DLG2: variants seen among roughly 807,000 people sequenced by gnomAD.
DLG2 encodes discs large MAGUK scaffold protein 2.
In DLG2, 45 loss-of-function variants were observed where a neutral mutation model predicts 132.5. The ratio of observed to expected loss-of-function variants is 0.34; its 90% CI spans 0.27 to 0.44. The LOEUF (loss-of-function observed/expected upper bound fraction) is 0.44. DLG2 is among the 20% of genes least tolerant of loss of function. DLG2 has a pLI of 1.00. For synonymous variants in DLG2, 424 were observed against 419.6 expected, an observed-to-expected ratio of 1.01 and a Z score of -0.13; for missense variants, 1,045 against 1,196.9, an observed-to-expected ratio of 0.87 and a Z score of 1.87.
At chr11:83,576,642 C>G (rs1555207925) in intron 19 of DLG2, among the ~76,000 whole-genome samples, 1 of 152,128 alleles carries the variant, frequency 6.6e-6, no homozygotes, top group Non-Finnish European at 1.5e-5. Flanking sequence ...TTAAAGTTAC[C>G]TGCACTGTAA....
intron 6 of DLG2, among the ~76,000 whole-genome samples, chr11:84,999,752 A>G (rs991952167): frequency 2.6e-5 from 4 of 152,098 alleles, no homozygotes; most frequent in African/African-American, 9.7e-5. Context: ...TAGGGTTTCA[A>G]TTTAGCATTC....
intron 6 of DLG2, among the ~76,000 whole-genome samples, chr11:85,051,017 G>A (rs1226751424): frequency 3.9e-5 from 6 of 152,080 alleles, no homozygotes; most frequent in African/African-American, 1.4e-4. Flanking sequence ...CCAAGCGCCA[G>A]TGCACCATGA....
intron 3 of DLG2, among the ~76,000 whole-genome samples, chr11:85,434,230 C>G (rs1253578385): frequency 6.6e-6 from 1 of 151,914 alleles, no homozygotes; most frequent in Non-Finnish European, 1.5e-5. Flanking sequence ...AGAAAGATCT[C>G]AAATCGACAC....
chr11:84,794,435 A>G lies in DLG2; in HGVS notation c.358-259704T>C, dbSNP rs560173992. ...GAGCTGGGAACAGGCAGAAGACCCA[A>G]CTCCTTCCGAGTTGGCAGAGTAGGA... On this transcript the variant is annotated intron_variant, in intron 6 of 27. Transcript: ENST00000376104. 1.6e-4 allele frequency among the ~76,000 whole-genome samples: 24 copies of G among 152,002 alleles called. No individual in the cohort carries two copies. In the East Asian group the frequency reaches 4.5e-3, roughly 28 times the overall value.
intron 6 of DLG2, among the ~76,000 whole-genome samples, chr11:84,777,305 A>ATATATATATATATATTTT (rs2070801414): frequency 3.0e-5 from 4 of 133,500 alleles, no homozygotes; most frequent in African/African-American, 1.1e-4. Context: ...ATATATATAT[A>ATATATATATATATATTTT]TATATATATA....
chr11:84,467,193 G>A (rs1327434443), intron 7 of DLG2, among the ~76,000 whole-genome samples: 2 of 151,184 alleles, frequency 1.3e-5, no homozygotes, highest in Non-Finnish European at 3.0e-5. Context: ...TCAATTTGAA[G>A]GGATTCCCCT....
At chr11:84,290,979 G>A (rs1050464438) in intron 7 of DLG2, among the ~76,000 whole-genome samples, 2 of 151,978 alleles carry the variant, frequency 1.3e-5, no homozygotes, top group Non-Finnish European at 2.9e-5. Context: ...TTGTGAAGAT[G>A]TCTAGAAAAA....
intron 7 of DLG2, among the ~76,000 whole-genome samples, chr11:84,414,028 T>C (rs575641333): frequency 7.2e-5 from 11 of 152,166 alleles, no homozygotes; most frequent in South Asian, 4.1e-4. Context: ...CCATCTCTTA[T>C]ATATGCAGAA....
intron 6 of DLG2, among the ~76,000 whole-genome samples, chr11:85,106,173 T>C (rs2071716495): frequency 1.3e-5 from 1 of 79,650 alleles, no homozygotes; most frequent in African/African-American, 7.2e-5. Flanking sequence ...GTGTCTGTTT[T>C]TACTGATTCC....
chr11:83,460,875 C>T (rs528157363), intron 27 of DLG2, among the ~76,000 whole-genome samples: 1 of 152,126 alleles, frequency 6.6e-6, no homozygotes, highest in South Asian at 2.1e-4. Flanking sequence ...AGAAAGATTA[C>T]TTAATATTAC....
chr11:84,647,180 T>C (rs572779994), intron 6 of DLG2, among the ~76,000 whole-genome samples: 6 of 152,206 alleles, frequency 3.9e-5, no homozygotes, highest in Non-Finnish European at 7.4e-5. Flanking sequence ...AAAAACTTCA[T>C]ATAGGAGGTA....
chr11:85,615,829 G>T (rs1591338154), intron 2 of DLG2, among the ~76,000 whole-genome samples: 1 of 151,998 alleles, frequency 6.6e-6, no homozygotes, highest in Admixed American at 6.6e-5. Flanking sequence ...GGACAGGCTT[G>T]TTCCAGAAGC....
At chr11:83,862,878 C>G (rs1431695342) in intron 16 of DLG2, among the ~76,000 whole-genome samples, 2 of 152,134 alleles carry the variant, frequency 1.3e-5, no homozygotes, top group South Asian at 4.1e-4. Context: ...CAAGCCATCA[C>G]TTGTTGAATA....
At chr11:85,297,572 T>C (rs1596033962) in intron 3 of DLG2, among the ~76,000 whole-genome samples, 1 of 152,226 alleles carries the variant, frequency 6.6e-6, no homozygotes, top group Non-Finnish European at 1.5e-5. Flanking sequence ...AATACATCTA[T>C]GAGCTTCTTC....
At chr11:84,463,890 T>G (rs1294374791) in intron 7 of DLG2, among the ~76,000 whole-genome samples, 5 of 151,154 alleles carry the variant, frequency 3.3e-5, no homozygotes, top group African/African-American at 1.2e-4. Context: ...TTTAGTAGAC[T>G]AAGAGAGAAA....
At chr11:83,756,254 G>A (rs1288560491) in intron 18 of DLG2, among the ~76,000 whole-genome samples, 2 of 151,028 alleles carry the variant, frequency 1.3e-5, no homozygotes, top group East Asian at 3.9e-4. Context: ...GAACCACCTG[G>A]GCCACAGGTT....
At chr11:84,249,466 A>G (rs1220475699) in intron 8 of DLG2, among the ~76,000 whole-genome samples, 1 of 152,212 alleles carries the variant, frequency 6.6e-6, no homozygotes, top group Non-Finnish European at 1.5e-5. Flanking sequence ...AGCTATCTGG[A>G]TTGACTCTTG....
At chr11:85,260,270 C>T (rs2076874371) in intron 4 of DLG2, among the ~76,000 whole-genome samples, 1 of 152,194 alleles carries the variant, frequency 6.6e-6, no homozygotes, top group Non-Finnish European at 1.5e-5. Flanking sequence ...ACCTTACATT[C>T]TATAATTAGG....
intron 3 of DLG2, among the ~76,000 whole-genome samples, chr11:85,364,236 G>A (rs2084369390): frequency 6.6e-6 from 1 of 152,058 alleles, no homozygotes; most frequent in African/African-American, 2.4e-5. Context: ...CACTGTCTAT[G>A]CCCCCAACCA....
Sources: allele counts gnomAD v4.1 joint callset (sites outside exome capture counted in the v4.1 genomes callset), GRCh38; gene constraint gnomAD v4.1.1; transcripts MANE v1.5; gene names NCBI Gene and HGNC (gene_info 2026-07-23, HGNC 2026-07-21).